FNTB: variants seen among roughly 807,000 people sequenced by gnomAD.
FNTB encodes the protein protein farnesyltransferase subunit beta.
FNTB carries 27 observed loss-of-function variants against 59.4 expected under a neutral mutation model. That is an observed-to-expected ratio of 0.45 (90% CI 0.34 to 0.63). FNTB has a LOEUF of 0.63. Ranked by LOEUF, FNTB falls within the 20% of genes least tolerant of loss-of-function variation. The pLI, the probability that FNTB is intolerant of heterozygous loss-of-function variation, is 0.02. For synonymous variants in FNTB, 230 were observed against 220.7 expected, an observed-to-expected ratio of 1.04 and a Z score of -0.37; for missense variants, 449 against 559.6, an observed-to-expected ratio of 0.80 and a Z score of 1.99.
At chr14:65,041,569 G>T (rs200808209) in intron 8 of FNTB, among the ~76,000 whole-genome samples, 1 of 152,154 alleles carries the variant, frequency 6.6e-6, no homozygotes, top group African/African-American at 2.4e-5. Flanking sequence ...TGACCATGAC[G>T]TCAAAGCAAA....
At position 65,031,323 on chromosome 14, in the gene FNTB, T is replaced by G. The variant is rs528014444; in HGVS notation, c.606-1287T>G. 1.5e-4 allele frequency among the ~76,000 whole-genome samples: 22 copies of G among 151,326 alleles called. No homozygotes were observed. Among genetic ancestry groups the G allele is most frequent in the Non-Finnish European group, 1.0e-4 (7 of 67,800 alleles). On this transcript the variant is annotated intron_variant, in intron 6 of 11. Transcript: ENST00000246166. This position sits in a 1 kb window ranked among gnomAD's most constrained non-coding sequence, Gnocchi z 4.6. The stretch of plus-strand genomic sequence containing the variant: ...ATCAAGTATAATAATTTTTTGTGTT[T>G]GTTTTTTTTTTTGAGACAGAGTCTC...
intron 7 of FNTB, among the ~76,000 whole-genome samples, chr14:65,033,803 G>T (rs1365268807): frequency 6.6e-6 from 1 of 152,172 alleles, no homozygotes; most frequent in African/African-American, 2.4e-5. Context: ...CTTGCAGTGA[G>T]CCGAGATCAC....
chr14:65,027,413 GCT>G lies in FNTB; in HGVS notation c.375-35_375-34del, dbSNP rs751996562. 1 of 1,609,198 alleles carries G rather than the reference GCT, an allele frequency of 6.2e-7. No homozygotes were observed. Among genetic ancestry groups the G allele is most frequent in the Admixed American group, 1.7e-5 (1 of 59,512 alleles). On this transcript the variant is annotated intron_variant, in intron 4 of 11. Transcript: ENST00000246166. This position sits in a 1 kb window ranked among gnomAD's most constrained non-coding sequence, Gnocchi z 5.7. ...GGGAATTTGGTGTTTTGACATGAAT[GCT>G]CTCTGACTTTGTTTTTGCCCTTTGG...
At chr14:65,060,115 G>A (rs1022908960) in intron 11 of FNTB, among the ~76,000 whole-genome samples, 9 of 151,648 alleles carry the variant, frequency 5.9e-5, no homozygotes, top group African/African-American at 1.9e-4. Context: ...TTACAGGCAT[G>A]AGCCACCGCG....
rs775896750 is a variant in FNTB, at chr14:64,994,055, A to G, written c.144+6958A>G. On this transcript the variant is annotated intron_variant, in intron 1 of 11. Coordinates refer to ENST00000246166, the MANE Select transcript of FNTB (RefSeq NM_002028.4). This position sits in a 1 kb window ranked among gnomAD's most constrained non-coding sequence, Gnocchi z 4.2. ...ATTTTAGTAGAGGTGGGGTTTTACC[A>G]TGTTGACCAGGCTGGTCTCAAACTC... is the stretch of plus-strand genomic sequence containing the variant. 6.6e-6 allele frequency among the ~76,000 whole-genome samples: 1 copy of G among 151,992 alleles called. No homozygotes were observed. The highest frequency in any genetic ancestry group is 1.5e-5 in the Non-Finnish European group (1 of 68,000).
intron 11 of FNTB, among the ~76,000 whole-genome samples, chr14:65,058,261 T>A (rs1052845016): frequency 1.4e-5 from 2 of 148,070 alleles, no homozygotes; most frequent in African/African-American, 5.3e-5. Context: ...CTAGCATTTT[T>A]TTTTTTTCGG....
intron 1 of FNTB, among the ~76,000 whole-genome samples, chr14:64,987,997 T>C (rs540528783): frequency 6.6e-6 from 1 of 152,214 alleles, no homozygotes; most frequent in South Asian, 2.1e-4. Flanking sequence ...TAAGATCTCT[T>C]AGTGAGATCA....
In FNTB at chr14:65,030,911, G is replaced by T. The variant is rs1373751133; in HGVS notation, c.606-1699G>T. 1.3e-5 allele frequency among the ~76,000 whole-genome samples: 2 copies of T among 152,126 alleles called. No homozygotes were observed. The highest frequency in any genetic ancestry group is 4.8e-5 in the African/African-American group (2 of 41,444). ...CAACCTCTGTCTCTGGGGTTCAAAC[G>T]ATTCTCCTGCCTCGGTCTCCCAAGT... On this transcript the variant is annotated intron_variant, in intron 6 of 11. Coordinates refer to ENST00000246166, the MANE Select transcript of FNTB (RefSeq NM_002028.4). The surrounding 1 kb of genome is among the most constrained non-coding windows in gnomAD (Gnocchi z 4.5).
chr14:65,033,439 C>T (rs1186381650), intron 7 of FNTB, among the ~76,000 whole-genome samples: 1 of 152,202 alleles, frequency 6.6e-6, no homozygotes, highest in Non-Finnish European at 1.5e-5. Context: ...GAGACTTCAG[C>T]TGTAATAGTT....
rs754690862 is a variant in FNTB, at chr14:64,991,695, GC to G, written c.144+4600del. Among the ~76,000 whole-genome samples the G allele has an allele frequency of 1.3e-5, 2 of 152,202 alleles. No homozygotes were observed. Among genetic ancestry groups the G allele is most frequent in the African/African-American group, 2.4e-5 (1 of 41,460 alleles). The stretch of plus-strand genomic sequence containing the variant: ...CACGAGGATTTTGGGGAGTTGAAAA[GC>G]CATCTGTGTGGGCTGAGGTGGTCAG... On this transcript the variant is annotated intron_variant, in intron 1 of 11. Coordinates refer to ENST00000246166, the MANE Select transcript of FNTB (RefSeq NM_002028.4). This position sits in a 1 kb window ranked among gnomAD's most constrained non-coding sequence, Gnocchi z 4.4.
intron 1 of FNTB, among the ~76,000 whole-genome samples, chr14:64,998,479 A>G (rs1024369545): frequency 5.3e-5 from 8 of 152,230 alleles, no homozygotes; most frequent in South Asian, 2.1e-4. Flanking sequence ...GAGATTGGAC[A>G]GGCAATTGCT....
chr14:65,035,300 T>C (rs1209708722), intron 7 of FNTB, among the ~76,000 whole-genome samples: 1 of 152,196 alleles, frequency 6.6e-6, no homozygotes, highest in Non-Finnish European at 1.5e-5. Context: ...AACTGCATGC[T>C]GTTCTCTGTT....
intron 11 of FNTB, among the ~76,000 whole-genome samples, chr14:65,057,756 T>C (rs755176282): frequency 1.3e-4 from 20 of 152,214 alleles, no homozygotes; most frequent in Non-Finnish European, 2.9e-4. Flanking sequence ...GGATATAATG[T>C]TATCTTTTTT....
intron 10 of FNTB, among the ~76,000 whole-genome samples, chr14:65,053,638 A>G (rs564755696): frequency 5.3e-5 from 8 of 152,142 alleles, no homozygotes; most frequent in Non-Finnish European, 1.2e-4. Flanking sequence ...AAAAAAACAA[A>G]AAAAAACTGA....
In FNTB at chr14:65,033,454, A is replaced by G. The variant is rs536414001; in HGVS notation, c.692+758A>G. Among the ~76,000 whole-genome samples the G allele has an allele frequency of 1.0e-3, 159 of 152,382 alleles. 1 individual carries two copies. In the South Asian group the frequency reaches 0.032, roughly 31 times the overall value. On this transcript the variant is annotated intron_variant, in intron 7 of 11. Transcript: ENST00000246166. Reference sequence around the variant, plus strand: ...GAGACTTCAGCTGTAATAGTTAACAACAACAAAGACCTGAAGTGTATATGG... The same window carrying G: ...GAGACTTCAGCTGTAATAGTTAACAGCAACAAAGACCTGAAGTGTATATGG...
intron 9 of FNTB, 109 bp from the exon 10 acceptor site, chr14:65,053,129 G>T: frequency 1.3e-6 from 1 of 782,208 alleles, no homozygotes; most frequent in Non-Finnish European, 1.8e-6. Context: ...AATGGAAGAG[G>T]AAGGGGAGCA....
chr14:65,005,453 CTTT>C lies in FNTB; in HGVS notation c.209+1141_209+1143del, dbSNP rs1566864741. Among the ~76,000 whole-genome samples the C allele has an allele frequency of 7.7e-5, 5 of 65,076 alleles. No homozygotes were observed. In the East Asian group the frequency reaches 1.4e-3, roughly 18 times the overall value. The allele number at this position is 65,076 out of a possible 152,430, so 42.7% of individuals were successfully genotyped here. ...GGAACACTTTCTCTTCCTTTCTTTTCTTTCTTTCTTTCTTTCTTTCTTTCTTTC... is the reference window on the plus strand; with the variant it reads ...GGAACACTTTCTCTTCCTTTCTTTTCCTTTCTTTCTTTCTTTCTTTCTTTC... On this transcript the variant is annotated intron_variant, in intron 2 of 11. Coordinates refer to ENST00000246166, the MANE Select transcript of FNTB (RefSeq NM_002028.4).
intron 11 of FNTB, among the ~76,000 whole-genome samples, chr14:65,058,286 A>G (rs1400175474): frequency 6.7e-6 from 1 of 149,826 alleles, no homozygotes; most frequent in African/African-American, 2.5e-5. Flanking sequence ...AGTTATGTCT[A>G]ATTTACAGTT....
At chr14:65,039,735 T>C (rs1327979484) in intron 7 of FNTB, among the ~76,000 whole-genome samples, 1 of 152,220 alleles carries the variant, frequency 6.6e-6, no homozygotes, top group Non-Finnish European at 1.5e-5. Context: ...TTTATTTGGC[T>C]CATGGTTCTG....
Sources: allele counts gnomAD v4.1 joint callset (sites outside exome capture counted in the v4.1 genomes callset), GRCh38; gene constraint gnomAD v4.1.1; non-coding constraint Gnocchi (gnomAD v3.1); transcripts MANE v1.5; gene names NCBI Gene and HGNC (gene_info 2026-07-23, HGNC 2026-07-21).